Variants in RTN4IP1 observed in about 807,000 individuals in gnomAD.
The protein encoded by RTN4IP1 is NAD(P)H oxidoreductase RTN4IP1, mitochondrial.
Under a neutral mutation model 46.6 loss-of-function variants are expected in RTN4IP1, and 32 were observed. The observed-to-expected ratio is 0.69, with a 90% CI of 0.52 to 0.92. The LOEUF is 0.92. Among genes scored for constraint, RTN4IP1 ranks in the 40% least tolerant of loss-of-function variants. RTN4IP1 has a pLI of 0.00. For synonymous variants in RTN4IP1, 167 were observed against 161.8 expected (o/e 1.03, Z -0.24); for missense variants, 424 against 485.8 (o/e 0.87, Z 1.20).
rs1775744486 is a variant in RTN4IP1 at position 106,594,856 on chromosome 6, A to G, written c.670-2556T>C. Among the ~76,000 whole-genome samples, 11 of 152,138 alleles carry G rather than the reference A, an allele frequency of 7.2e-5. 1 individual carries two copies. In the South Asian group the frequency reaches 2.3e-3, roughly 32 times the overall value. On this transcript the variant is annotated intron_variant, in intron 5 of 8. Coordinates refer to ENST00000369063, the MANE Select transcript of RTN4IP1 (RefSeq NM_032730.5). ...CACTCTGTTGCCCAGGCTAGAGTGC[A>G]GTGGCATGATCTCGGCTCACTGCAA...
chr6:106,627,271 A>T (rs1776672550), intron 1 of RTN4IP1, among the ~76,000 whole-genome samples: 1 of 152,244 alleles, frequency 6.6e-6, no homozygotes, highest in Non-Finnish European at 1.5e-5. Flanking sequence ...AGCCAAGAAA[A>T]GTCTAGATAC....
intron 5 of RTN4IP1, among the ~76,000 whole-genome samples, chr6:106,601,900 C>T (rs1012326497): frequency 8.0e-4 from 122 of 152,282 alleles, no homozygotes; most frequent in African/African-American, 2.9e-3. Flanking sequence ...TGTGAACCAC[C>T]ATGCCTGACC....
At chr6:106,575,879 C>T (rs1055954804) in intron 8 of RTN4IP1, among the ~76,000 whole-genome samples, 63 of 152,282 alleles carry the variant, frequency 4.1e-4, no homozygotes, top group African/African-American at 1.4e-3. Flanking sequence ...TTCCTAGACC[C>T]TTGGCCTCTT....
At chr6:106,597,259 T>C (rs997603751) in intron 5 of RTN4IP1, among the ~76,000 whole-genome samples, 7 of 152,264 alleles carry the variant, frequency 4.6e-5, no homozygotes, top group Admixed American at 1.3e-4. Flanking sequence ...TCCCTTGCTT[T>C]GGTTTTCCCC....
chr6:106,622,757 G>A lies in RTN4IP1; in HGVS notation c.426+61C>T, dbSNP rs186187138. On this transcript the variant is annotated intron_variant, in intron 2 of 8. Coordinates refer to ENST00000369063, the MANE Select transcript of RTN4IP1 (RefSeq NM_032730.5). ...CTGTGTCAGTGTGCGTCTCTCATCC[G>A]TCGCTGGATCAGGGTCTGTGGGTTG... 1.1e-3 allele frequency: 1,702 copies of A among 1,529,716 alleles called. 2 individuals carry two copies. The highest frequency in any genetic ancestry group is 3.7e-3 in the South Asian group (304 of 82,982). 94.8% of individuals were successfully genotyped at this position (1,529,716 alleles called of 1,614,324 possible). A position where few individuals can be genotyped will look rare whatever the true frequency, so the allele number is the denominator to read the frequency against.
At chr6:106,586,062 T>C (rs1280156232) in intron 7 of RTN4IP1, among the ~76,000 whole-genome samples, 1 of 152,210 alleles carries the variant, frequency 6.6e-6, no homozygotes, top group Non-Finnish European at 1.5e-5. Flanking sequence ...GCTTGGTTTG[T>C]TCATTTCTAT....
At chr6:106,578,703 C>A (rs927700044) in intron 8 of RTN4IP1, among the ~76,000 whole-genome samples, 2 of 152,144 alleles carry the variant, frequency 1.3e-5, no homozygotes, top group East Asian at 3.9e-4. Context: ...GAACATTTGT[C>A]GGGGAGGTCA....
In RTN4IP1 at chr6:106,619,605, CATTT is replaced by C. The variant is rs1473533853; in HGVS notation, c.496-283_496-280del. On this transcript the variant is annotated intron_variant, in intron 3 of 8. Coordinates refer to ENST00000369063, the MANE Select transcript of RTN4IP1 (RefSeq NM_032730.5). The stretch of plus-strand genomic sequence containing the variant: ...AATGAATAGTAAGTATACTTTTCTT[CATTT>C]TTTTTTTTTTTTTTTTTTTTGAGAC... Among the ~76,000 whole-genome samples the C allele has an allele frequency of 4.5e-5, 6 of 134,826 alleles. No individual in the cohort carries two copies. In the East Asian group the frequency reaches 1.4e-3, roughly 32 times the overall value. 88.5% of individuals were successfully genotyped at this position (134,826 alleles called of 152,430 possible). A position where few individuals can be genotyped will look rare whatever the true frequency, so the allele number is the denominator to read the frequency against.
chr6:106,620,897 C>T (rs1046259922), intron 3 of RTN4IP1, among the ~76,000 whole-genome samples: 9 of 152,134 alleles, frequency 5.9e-5, no homozygotes, highest in Admixed American at 1.3e-4. Context: ...CAGCTGTTTC[C>T]TTTACTCTCA....
At chr6:106,626,470 G>T (rs965020431) in intron 1 of RTN4IP1, among the ~76,000 whole-genome samples, 11 of 152,204 alleles carry the variant, frequency 7.2e-5, no homozygotes, top group Non-Finnish European at 2.9e-5. Flanking sequence ...CTTCTATGTG[G>T]TTTGAACAAC....
intron 1 of RTN4IP1, among the ~76,000 whole-genome samples, chr6:106,625,071 T>C (rs146221599): frequency 3.9e-4 from 59 of 152,158 alleles, no homozygotes; most frequent in African/African-American, 1.3e-3. Flanking sequence ...TCCAGAGTAA[T>C]TTATTACATG....
intron 4 of RTN4IP1, among the ~76,000 whole-genome samples, chr6:106,607,216 T>A (rs1479318378): frequency 1.3e-5 from 2 of 151,872 alleles, no homozygotes; most frequent in African/African-American, 4.8e-5. Flanking sequence ...AAATGGAAAC[T>A]AGATGCCCAT....
intron 5 of RTN4IP1, among the ~76,000 whole-genome samples, chr6:106,592,570 A>C (rs1317067392): frequency 1.3e-5 from 2 of 152,172 alleles, no homozygotes; most frequent in African/African-American, 4.8e-5. Flanking sequence ...ATGAAGTTAT[A>C]ACTAATCCAC....
At position 106,628,881 on chromosome 6, in the gene RTN4IP1, C is replaced by A; in HGVS notation, c.141G>T (p.Val47=). The part of the protein sequence containing the change: ...SPRSTVMPAW[V]IDKYGKNEVL... ...CTTCATTCTTCCCATATTTATCTAT[C>A]ACCCAAGCAGGCATGACAGTGCTCC... Residue 47 remains valine, a synonymous_variant, in exon 1 of 9, where the codon GTG becomes GTT. Coordinates refer to ENST00000369063, the MANE Select transcript of RTN4IP1 (RefSeq NM_032730.5). The A allele has an allele frequency of 6.2e-7, 1 of 1,614,166 alleles. No individual in the cohort carries two copies. Among genetic ancestry groups the A allele is most frequent in the Non-Finnish European group, 8.5e-7 (1 of 1,180,038 alleles).
chr6:106,621,217 T>C (rs1776478625), intron 3 of RTN4IP1, among the ~76,000 whole-genome samples: 1 of 152,230 alleles, frequency 6.6e-6, no homozygotes, highest in African/African-American at 2.4e-5. Flanking sequence ...CCCTGCTCTA[T>C]GAGAGAAAAA....
At chr6:106,581,009 C>G (rs1288799580) in intron 8 of RTN4IP1, among the ~76,000 whole-genome samples, 2 of 147,376 alleles carry the variant, frequency 1.4e-5, no homozygotes, top group African/African-American at 5.0e-5. Context: ...GGTTGCAGCA[C>G]AGTATGTTAT....
At chr6:106,622,455 G>A (rs1418682119) in intron 2 of RTN4IP1, among the ~76,000 whole-genome samples, 1 of 152,150 alleles carries the variant, frequency 6.6e-6, no homozygotes, top group Non-Finnish European at 1.5e-5. Flanking sequence ...GATAGCAATA[G>A]AGCAAATAAC....
chr6:106,603,633 T>C (rs917616853), intron 4 of RTN4IP1, among the ~76,000 whole-genome samples: 4 of 152,096 alleles, frequency 2.6e-5, no homozygotes, highest in Non-Finnish European at 5.9e-5. Context: ...TAAAATAACA[T>C]GTAAAATTTG....
chr6:106,617,239 A>C (rs139172932), intron 4 of RTN4IP1, among the ~76,000 whole-genome samples: 155 of 152,342 alleles, frequency 1.0e-3, no homozygotes, highest in Middle Eastern at 3.4e-3. Context: ...TAAGACAGCA[A>C]GGTCTCACTG....
Sources: gnomAD v4.1 joint callset for allele counts (sites outside exome capture counted in the v4.1 genomes callset) on GRCh38, gnomAD v4.1.1 for gene constraint, MANE v1.5 for transcripts, NCBI Gene and HGNC (gene_info 2026-07-23, HGNC 2026-07-21) for gene names.